Variants in P3H2 observed in about 807,000 individuals in gnomAD.
P3H2 encodes the protein leprecan-like 1.
A neutral mutation model predicts 87.0 loss-of-function variants in P3H2; 80 were observed. The observed-to-expected ratio is 0.92, with a 90% CI of 0.77 to 1.11. The LOEUF (loss-of-function observed/expected upper bound fraction) is 1.11. Ranked by LOEUF, P3H2 falls within the 50% of genes least tolerant of loss-of-function variation. The probability of loss-of-function intolerance (pLI) is 0.00; values close to 1 mark genes in which losing one functional copy is unlikely to be tolerated. For synonymous variants in P3H2, 367 were observed against 359.3 expected, an observed-to-expected ratio of 1.02 and a Z score of -0.24; for missense variants, 1,001 against 923.9, an observed-to-expected ratio of 1.08 and a Z score of -1.08.
chr3:189,961,790 C>T (rs1722821643), intron 14 of P3H2, among the ~76,000 whole-genome samples: 1 of 152,126 alleles, frequency 6.6e-6, no homozygotes, highest in Admixed American at 6.6e-5. Flanking sequence ...GAGGAAGGGA[C>T]GCTGGCGTTG....
chr3:190,084,626 A>G (rs1012732396), intron 1 of P3H2, among the ~76,000 whole-genome samples: 1 of 124,946 alleles, frequency 8.0e-6, no homozygotes, highest in Non-Finnish European at 1.6e-5. Context: ...TTAAAATCTT[A>G]TCAATATTAA....
chr3:190,014,306 T>C (rs1350347396), intron 1 of P3H2, among the ~76,000 whole-genome samples: 2 of 152,344 alleles, frequency 1.3e-5, no homozygotes, highest in East Asian at 3.9e-4. Flanking sequence ...ATTTCACCCC[T>C]TCTGAGAGAA....
intron 1 of P3H2, among the ~76,000 whole-genome samples, chr3:190,009,326 A>T (rs1484360695): frequency 6.6e-6 from 1 of 152,200 alleles, no homozygotes; most frequent in Non-Finnish European, 1.5e-5. Flanking sequence ...TTCCAGAAAC[A>T]TCTCCATCTG....
rs748898999 is a variant in P3H2, at chr3:190,120,591, G to C, written c.141C>G (p.Leu47=). ...AGTAGGCGGCCGCGCCGCTGGCGTA[G>C]AGCAGGTCGAAGGGCTGCAGAGGCC... is the stretch of plus-strand genomic sequence containing the variant. ...EPGPLQPFDL[L]YASGAAAYYS... Residue 47 remains leucine (L), a synonymous_variant, in exon 1 of 15, where the codon CTC becomes CTG. Coordinates refer to ENST00000319332, the MANE Select transcript of P3H2 (RefSeq NM_018192.4). 4 of 1,546,788 alleles carry C rather than the reference G, an allele frequency of 2.6e-6. No homozygotes were observed. The highest frequency in any genetic ancestry group is 3.7e-5 in the Admixed American group (2 of 54,160).
intron 1 of P3H2, among the ~76,000 whole-genome samples, chr3:190,037,868 C>A (rs774126198): frequency 6.6e-6 from 1 of 151,688 alleles, no homozygotes; most frequent in Non-Finnish European, 1.5e-5. Context: ...AAGCATCACA[C>A]ATGGGCTCAA....
intron 1 of P3H2, among the ~76,000 whole-genome samples, chr3:190,109,066 T>C (rs1711965608): frequency 6.6e-6 from 1 of 152,236 alleles, no homozygotes; most frequent in South Asian, 2.1e-4. Flanking sequence ...TTACTAATTA[T>C]ACAACATAGA....
At position 190,069,432 on chromosome 3, in the gene P3H2, T is replaced by C. The variant is rs1726623474; in HGVS notation, c.480+50820A>G. ...TCTTCTAGTCTCAGTGTAAATCTTA[T>C]ATATTTGATGGGATGTTTCAAACTT... On this transcript the variant is annotated intron_variant, in intron 1 of 14. Transcript: ENST00000319332. Among the ~76,000 whole-genome samples, 5 of 152,326 alleles carry C rather than the reference T, an allele frequency of 3.3e-5. No individual in the cohort carries two copies. The South Asian group carries it at 1.0e-3, about 32-fold the overall frequency.
At position 189,961,378 on chromosome 3, in the gene P3H2, T is replaced by A. The variant is rs373455809; in HGVS notation, c.2034+2580A>T. Among the ~76,000 whole-genome samples, 85 of 152,348 alleles carry A rather than the reference T, an allele frequency of 5.6e-4. 1 individual carries two copies. The South Asian group carries it at 0.017, about 31-fold the overall frequency. On this transcript the variant is annotated intron_variant, in intron 14 of 14. Coordinates refer to ENST00000319332, the MANE Select transcript of P3H2 (RefSeq NM_018192.4). ...AGCTGGAACCAATATATATGAAGCT[T>A]CGAACATCCTTGCATCCTTAAAAGG...
intron 8 of P3H2, among the ~76,000 whole-genome samples, chr3:189,980,578 G>C (rs1723501766): frequency 6.6e-6 from 1 of 151,484 alleles, no homozygotes; most frequent in African/African-American, 2.4e-5. Flanking sequence ...AAAAGAAAAA[G>C]AGATATGAAA....
At chr3:190,059,086 G>A (rs1726256644) in intron 1 of P3H2, among the ~76,000 whole-genome samples, 1 of 152,158 alleles carries the variant, frequency 6.6e-6, no homozygotes, top group South Asian at 2.1e-4. Context: ...ACTACACAGA[G>A]GATGCAGACT....
At chr3:190,101,802 A>G (rs2108516423) in intron 1 of P3H2, among the ~76,000 whole-genome samples, 1 of 152,344 alleles carries the variant, frequency 6.6e-6, no homozygotes, top group African/African-American at 2.4e-5. Flanking sequence ...ATCTTCTTGG[A>G]AGATGTCACA....
intron 1 of P3H2, among the ~76,000 whole-genome samples, chr3:190,082,764 G>A (rs751663599): frequency 1.3e-5 from 2 of 152,102 alleles, no homozygotes; most frequent in Non-Finnish European, 2.9e-5. Context: ...AGTATTGAGA[G>A]CCAATGCTGT....
chr3:190,052,775 C>T (rs947213596), intron 1 of P3H2, among the ~76,000 whole-genome samples: 1 of 151,704 alleles, frequency 6.6e-6, no homozygotes, highest in African/African-American at 2.4e-5. Context: ...GATCAGTAAA[C>T]CGTACATGTA....
chr3:190,074,644 T>C (rs1726810985), intron 1 of P3H2, among the ~76,000 whole-genome samples: 1 of 152,212 alleles, frequency 6.6e-6, no homozygotes, highest in South Asian at 2.1e-4. Context: ...ACAGACCCAG[T>C]TCCATCTCAT....
chr3:190,036,964 T>C (rs772392773), intron 1 of P3H2, among the ~76,000 whole-genome samples: 5 of 150,694 alleles, frequency 3.3e-5, no homozygotes, highest in Non-Finnish European at 7.4e-5. Context: ...ATATATTTAC[T>C]TGGTAATAGA....
chr3:190,044,589 C>T (rs1725741498), intron 1 of P3H2, among the ~76,000 whole-genome samples: 2 of 152,176 alleles, frequency 1.3e-5, no homozygotes, highest in Admixed American at 6.5e-5. Flanking sequence ...CAAAAGCATG[C>T]ACTTATCATA....
In P3H2 at chr3:189,972,978, T is replaced by A; in HGVS notation, c.1595A>T (p.Tyr532Phe). The A allele has an allele frequency of 1.9e-6, 3 of 1,612,110 alleles. No individual in the cohort carries two copies. The highest frequency in any genetic ancestry group is 2.5e-6 in the Non-Finnish European group (3 of 1,179,672). The change falls in exon 11 of 15, where the codon TAT becomes TTT. Residue 532 changes from tyrosine to phenylalanine, a missense_variant. Coordinates refer to ENST00000319332, the MANE Select transcript of P3H2 (RefSeq NM_018192.4). ...RVPLKSARLFYDISEKARRIV... is the reference protein window; with the variant it reads ...RVPLKSARLFFDISEKARRIV... ...CCTTCGAGCCTTTTCGCTGATGTCA[T>A]AAAACAGACGAGCGCTCTTCAGTGG...
At chr3:190,000,238 C>G (rs897837104) in intron 1 of P3H2, among the ~76,000 whole-genome samples, 3 of 152,212 alleles carry the variant, frequency 2.0e-5, no homozygotes, top group Admixed American at 1.3e-4. Context: ...CTGAACTTCT[C>G]TAAGTTTTAA....
intron 8 of P3H2, among the ~76,000 whole-genome samples, chr3:189,977,926 A>T (rs2108912402): frequency 6.6e-6 from 1 of 152,092 alleles, no homozygotes; most frequent in South Asian, 2.1e-4. Flanking sequence ...TCTTTTAAAA[A>T]TCCCCCCTAA....
Sources: allele counts gnomAD v4.1 joint callset (sites outside exome capture counted in the v4.1 genomes callset), GRCh38; gene constraint gnomAD v4.1.1; transcripts MANE v1.5; gene names NCBI Gene and HGNC (gene_info 2026-07-23, HGNC 2026-07-21).